ARHGEF3: variants seen among roughly 807,000 people sequenced by gnomAD.
The protein encoded by ARHGEF3 is 59.8 kDA protein.
ARHGEF3 carries 28 observed loss-of-function variants against 63.2 expected under a neutral mutation model. The observed-to-expected ratio is 0.44, with a 90% CI of 0.33 to 0.61. The LOEUF (loss-of-function observed/expected upper bound fraction) is 0.61, where lower values mean the gene tolerates loss of function less well. Among genes scored for constraint, ARHGEF3 ranks in the 20% least tolerant of loss-of-function variants. ARHGEF3 has a pLI of 0.03. For synonymous variants in ARHGEF3, 266 were observed against 254.2 expected, an observed-to-expected ratio of 1.05 and a Z score of -0.44; for missense variants, 533 against 659.3, an observed-to-expected ratio of 0.81 and a Z score of 2.10.
At chr3:57,018,903 T>C (rs994103454) in intron 2 of ARHGEF3, among the ~76,000 whole-genome samples, 1 of 152,150 alleles carries the variant, frequency 6.6e-6, no homozygotes, top group African/African-American at 2.4e-5. Context: ...AAGAAGGAAT[T>C]TGAAGCCAAG....
intron 3 of ARHGEF3, among the ~76,000 whole-genome samples, chr3:56,936,496 G>A (rs928984929): frequency 6.6e-6 from 1 of 152,154 alleles, no homozygotes; most frequent in Non-Finnish European, 1.5e-5. Context: ...ACCCTGCATA[G>A]CAAATTAGCA....
chr3:56,916,355 C>G (rs2041990698), intron 3 of ARHGEF3: 2 of 1,534,982 alleles, frequency 1.3e-6, no homozygotes, highest in South Asian at 2.4e-5. Context: ...GCGCTCTGAC[C>G]TCATCCACCC....
chr3:56,853,631 G>A (rs1261466444), intron 4 of ARHGEF3, among the ~76,000 whole-genome samples: 11 of 152,120 alleles, frequency 7.2e-5, no homozygotes, highest in South Asian at 2.1e-4. Context: ...CACCATGCCC[G>A]GCTCAATTTT....
chr3:56,875,020 C>T (rs936080587), intron 4 of ARHGEF3, among the ~76,000 whole-genome samples: 3 of 152,114 alleles, frequency 2.0e-5, no homozygotes, highest in African/African-American at 7.2e-5. Flanking sequence ...AATATAATAA[C>T]TATAATTAGC....
At chr3:57,002,931 G>C (rs1000111670) in intron 2 of ARHGEF3, among the ~76,000 whole-genome samples, 1 of 150,900 alleles carries the variant, frequency 6.6e-6, no homozygotes, top group African/African-American at 2.4e-5. Context: ...ACGCCACCAC[G>C]CCCGGCTAAT....
intron 3 of ARHGEF3, among the ~76,000 whole-genome samples, chr3:56,904,685 CGACACATACAGA>C (rs2041630308): frequency 6.6e-6 from 1 of 152,062 alleles, no homozygotes; most frequent in South Asian, 2.1e-4. Context: ...GTTATTTGGT[CGACACATACAGA>C]GACACATACA....
chr3:56,923,266 C>A (rs1197912457), intron 3 of ARHGEF3, among the ~76,000 whole-genome samples: 1 of 146,588 alleles, frequency 6.8e-6, no homozygotes, highest in East Asian at 2.1e-4. Context: ...TTTGGGCCAT[C>A]ATACTATTGT....
intron 4 of ARHGEF3, among the ~76,000 whole-genome samples, chr3:56,810,350 C>T (rs568294074): frequency 3.7e-4 from 56 of 152,172 alleles, no homozygotes; most frequent in South Asian, 3.5e-3. Context: ...TGGAGACCAG[C>T]CTGGGCAACA....
chr3:56,780,030 C>A (rs918372602), intron 1 of ARHGEF3, among the ~76,000 whole-genome samples: 7 of 152,084 alleles, frequency 4.6e-5, no homozygotes, highest in African/African-American at 7.2e-5. Flanking sequence ...TATCATTATC[C>A]CCATTTTATA....
chr3:56,999,647 ATTAG>A (rs1164779054), intron 2 of ARHGEF3, among the ~76,000 whole-genome samples: 2 of 152,194 alleles, frequency 1.3e-5, no homozygotes, highest in South Asian at 4.1e-4. Flanking sequence ...CTCTACAAAA[ATTAG>A]TTAGATGTGA....
intron 4 of ARHGEF3, among the ~76,000 whole-genome samples, chr3:56,838,385 C>T (rs1026633889): frequency 2.0e-5 from 3 of 152,100 alleles, no homozygotes; most frequent in Admixed American, 6.6e-5. Context: ...TGTTAAAATA[C>T]GATTCTATCA....
chr3:57,009,018 G>C (rs1181366219), intron 2 of ARHGEF3, among the ~76,000 whole-genome samples: 2 of 152,172 alleles, frequency 1.3e-5, no homozygotes, highest in Admixed American at 6.5e-5. Flanking sequence ...GGCCCCATGG[G>C]CTAGCATTCT....
At chr3:56,835,805 A>C (rs1413542828) in intron 4 of ARHGEF3, among the ~76,000 whole-genome samples, 1 of 152,092 alleles carries the variant, frequency 6.6e-6, no homozygotes. Flanking sequence ...CTGATAAATA[A>C]AGGGCCCTGT....
chr3:56,774,947 G>T, intron 1 of ARHGEF3: 1 of 1,343,208 alleles, frequency 7.4e-7, no homozygotes, highest in Non-Finnish European at 1.0e-6. Flanking sequence ...CAGGCTATGG[G>T]GAAGAGAATG....
At chr3:56,893,263 G>C (rs1482594750) in intron 3 of ARHGEF3, among the ~76,000 whole-genome samples, 1 of 152,024 alleles carries the variant, frequency 6.6e-6, no homozygotes, top group Non-Finnish European at 1.5e-5. Flanking sequence ...CTGCAGCCTC[G>C]AACTCCTGAG....
chr3:56,822,945 T>C (rs1346553901), intron 4 of ARHGEF3, among the ~76,000 whole-genome samples: 1 of 151,542 alleles, frequency 6.6e-6, no homozygotes, highest in Admixed American at 6.6e-5. Flanking sequence ...GGAGAGGTAA[T>C]GGAACTGAGG....
At position 56,732,407 on chromosome 3, in the gene ARHGEF3, C is replaced by A; in HGVS notation, c.1059G>T (p.Leu353=). The change falls in exon 9 of 10, where the codon CTG becomes CTT. Residue 353 remains leucine (L), a synonymous_variant. Coordinates refer to ENST00000296315, the MANE Select transcript of ARHGEF3 (RefSeq NM_019555.3). ...GAGTGATCACAAGCACTTCTTGGAA[C>A]AGGAAAACATGCAGTTTCTAGAAGA... is the stretch of plus-strand genomic sequence containing the variant. The part of the protein sequence containing the change: ...NNRGVKLHVF[L]FQEVLVITRA... The A allele has an allele frequency of 1.9e-6, 3 of 1,613,958 alleles. No homozygotes were observed. Among genetic ancestry groups the A allele is most frequent in the African/African-American group, 1.3e-5 (1 of 74,950 alleles).
chr3:56,731,231 T>A (rs1474069798), intron 9 of ARHGEF3, among the ~76,000 whole-genome samples: 1 of 152,142 alleles, frequency 6.6e-6, no homozygotes, highest in African/African-American at 2.4e-5. Context: ...AAGTGTTCCC[T>A]ATCTCATTTA....
chr3:57,072,634 A>G (rs1049043528), intron 1 of ARHGEF3, among the ~76,000 whole-genome samples: 4 of 147,694 alleles, frequency 2.7e-5, no homozygotes, highest in African/African-American at 9.9e-5. Flanking sequence ...CCCAGCTACT[A>G]GGGAGGCTGA....
Sources: allele counts gnomAD v4.1 joint callset (sites outside exome capture counted in the v4.1 genomes callset), GRCh38; gene constraint gnomAD v4.1.1; transcripts MANE v1.5; gene names NCBI Gene and HGNC (gene_info 2026-07-23, HGNC 2026-07-21).